The following CACNA1C variants were observed in gnomAD, a reference collection of about 807,000 sequenced individuals.
CACNA1C encodes the protein calcium voltage-gated channel subunit alpha1 C, also known as voltage-dependent L-type calcium channel subunit alpha-1C.
In CACNA1C, 30 loss-of-function variants were observed where a neutral mutation model predicts 229.0. The ratio of observed to expected loss-of-function variants is 0.13; its 90% confidence interval spans 0.10 to 0.18. CACNA1C has a LOEUF of 0.18. Ranked by LOEUF, CACNA1C falls within the 10% of genes least tolerant of loss-of-function variation. CACNA1C has a pLI of 1.00. For missense variants in CACNA1C, 1,658 were observed against 2,845.0 expected, an observed-to-expected ratio of 0.58 and a Z score of 9.49; for synonymous variants, 1,114 against 1,132.5, an observed-to-expected ratio of 0.98 and a Z score of 0.33.
In CACNA1C at chr12:2,597,580, T is replaced by C; in HGVS notation, c.2853+291T>C. ...TGGCTGGATCTTTTGTCTTTTCTGT[T>C]TCTTTCACTCTCTCTTTTCTTTACT... On this transcript the variant is annotated intron_variant, in intron 21 of 46. Coordinates refer to ENST00000399655, the MANE Select transcript of CACNA1C (RefSeq NM_000719.7). The surrounding 1 kb of genome is among the most constrained non-coding windows in gnomAD (Gnocchi z 4.3). 1.1e-6 allele frequency: 1 copy of C among 932,796 alleles called. No individual in the cohort carries two copies. Among genetic ancestry groups the C allele is most frequent in the Admixed American group, 1.9e-5 (1 of 53,860 alleles). The allele number at this position is 932,796 out of a possible 1,614,324, so 57.8% of individuals were successfully genotyped here.
rs150067047 is a variant in CACNA1C, at chr12:2,488,866, G to A, written c.916+2604G>A. Reference sequence around the variant, plus strand: ...CTGTCCCTTCGTTCCCAAACCTGCCGTCTGATCACAAGCCAGGACCCACTC... The same window carrying A: ...CTGTCCCTTCGTTCCCAAACCTGCCATCTGATCACAAGCCAGGACCCACTC... On this transcript the variant is annotated intron_variant, in intron 6 of 46. Coordinates refer to ENST00000399655, the MANE Select transcript of CACNA1C (RefSeq NM_000719.7). The surrounding 1 kb of genome is among the most constrained non-coding windows in gnomAD (Gnocchi z 4.0). 9.9e-5 allele frequency among the ~76,000 whole-genome samples: 15 copies of A among 152,266 alleles called. No individual in the cohort carries two copies. Among genetic ancestry groups the A allele is most frequent in the Admixed American group, 4.6e-4 (7 of 15,300 alleles).
rs191348735 is a variant in CACNA1C, at chr12:2,365,417, A to G, written c.478-83559A>G. ...TTTATTAAGGCACTGAGGGGCATCT[A>G]TCATGATTTCTTTTGAAAAATATGG... is the stretch of plus-strand genomic sequence containing the variant. On this transcript the variant is annotated intron_variant, in intron 3 of 46. Transcript: ENST00000399655. Among the ~76,000 whole-genome samples, 476 of 152,352 alleles carry G rather than the reference A, an allele frequency of 3.1e-3. 7 individuals are homozygous for G. Among genetic ancestry groups the G allele is most frequent in the Non-Finnish European group, 4.7e-3 (317 of 68,036 alleles).
chr12:2,677,917 G>A lies in CACNA1C; in HGVS notation c.5091+50G>A, dbSNP rs1305582562. ...CGACCCCTATAAAGTTCAGTTTGGA[G>A]CAAGAGGTTGGGCTGGGGTTTTGCG... On this transcript the variant is annotated intron_variant, in intron 41 of 46. Coordinates refer to ENST00000399655, the MANE Select transcript of CACNA1C (RefSeq NM_000719.7). This position sits in a 1 kb window ranked among gnomAD's most constrained non-coding sequence, Gnocchi z 7.4. 1 of 1,603,340 alleles carries A rather than the reference G, an allele frequency of 6.2e-7. No individual in the cohort carries two copies. The highest frequency in any genetic ancestry group is 1.3e-5 in the African/African-American group (1 of 74,746).
At chr12:2,065,994 G>C (rs2059134849) in intron 1 of CACNA1C, among the ~76,000 whole-genome samples, 1 of 152,090 alleles carries the variant, frequency 6.6e-6, no homozygotes, top group South Asian at 2.1e-4. Context: ...GCAATGGAGG[G>C]CCGTTTAAAG....
intron 3 of CACNA1C, among the ~76,000 whole-genome samples, chr12:2,425,265 G>A (rs1342516114): frequency 2.6e-5 from 4 of 152,208 alleles, no homozygotes; most frequent in African/African-American, 9.6e-5. Context: ...AAAAGCTGTT[G>A]TTAAGCAAAA....
At position 2,632,150 on chromosome 12, in the gene CACNA1C, A is replaced by G. The variant is rs1205895717; in HGVS notation, c.3829-2147A>G. ...GGCAAATACTGGTCCCACTGAAAAA[A>G]TGTGGCCAGCCCTGTCTTGTCCCCT... On this transcript the variant is annotated intron_variant, in intron 29 of 46. Transcript: ENST00000399655. This position sits in a 1 kb window ranked among gnomAD's most constrained non-coding sequence, Gnocchi z 4.1. 3.3e-5 allele frequency among the ~76,000 whole-genome samples: 5 copies of G among 152,242 alleles called. No individual in the cohort carries two copies. The highest frequency in any genetic ancestry group is 9.6e-5 in the African/African-American group (4 of 41,554).
intron 9 of CACNA1C, among the ~76,000 whole-genome samples, chr12:2,533,999 C>T (rs1323972683): frequency 6.6e-6 from 1 of 152,124 alleles, no homozygotes; most frequent in East Asian, 1.9e-4. Context: ...TAGTAAATGC[C>T]TCAGGGAAAA....
At chr12:2,448,036 G>A (rs898687710) in intron 3 of CACNA1C, among the ~76,000 whole-genome samples, 3 of 152,252 alleles carry the variant, frequency 2.0e-5, no homozygotes, top group Non-Finnish European at 4.4e-5. Context: ...CCTTTGCCTG[G>A]TGGGGGCCAT....
Position 2,685,741 on chromosome 12 carries a change from C to A in CACNA1C, c.5579C>A (p.Ser1860Tyr). 6.2e-7 allele frequency: 1 copy of A among 1,613,128 alleles called. No individual in the cohort carries two copies. The highest frequency in any genetic ancestry group is 1.1e-5 in the South Asian group (1 of 91,056). Reference protein sequence around the residue: ...EPSLLSTEMLSYQDDENRQLT... With the variant: ...EPSLLSTEMLYYQDDENRQLT... Reference sequence around the variant, plus strand: ...CCATGAGCTCTCTGTTCCAGGCTCTCCTACCAGGATGACGAAAATCGGCAA... The same window carrying A: ...CCATGAGCTCTCTGTTCCAGGCTCTACTACCAGGATGACGAAAATCGGCAA... The change falls in exon 44 of 47, where the codon TCC becomes TAC. Residue 1860 changes from serine (S) to tyrosine (Y), a missense_variant. Around this residue, in one of 20 missense-constraint regions of CACNA1C, gnomAD observed 590 missense variants for 700.8 expected, o/e 0.84. Coordinates refer to ENST00000399655, the MANE Select transcript of CACNA1C (RefSeq NM_000719.7).
intron 13 of CACNA1C, among the ~76,000 whole-genome samples, chr12:2,572,037 CTTTTT>C (rs5796014): frequency 5.4e-5 from 7 of 128,458 alleles, no homozygotes; most frequent in Non-Finnish European, 6.5e-5. Flanking sequence ...AATTTCTTCT[CTTTTT>C]TTTTTTTTTT....
At position 2,420,070 on chromosome 12, in the gene CACNA1C, A is replaced by C. The variant is rs558200890; in HGVS notation, c.478-28906A>C. Among the ~76,000 whole-genome samples, 32 of 150,540 alleles carry C rather than the reference A, an allele frequency of 2.1e-4. 1 individual carries two copies. Among genetic ancestry groups the C allele is most frequent in the African/African-American group, 7.9e-4 (32 of 40,398 alleles). ...ACCCCTCTGGATGTCAGGACAACGCAGCCAGACAGGGTAATCAGACTTAGG... is the reference window on the plus strand; with the variant it reads ...ACCCCTCTGGATGTCAGGACAACGCCGCCAGACAGGGTAATCAGACTTAGG... On this transcript the variant is annotated intron_variant, in intron 3 of 46. Transcript: ENST00000399655.
rs943249874 is a variant in CACNA1C at position 2,410,487 on chromosome 12, G to C, written c.478-38489G>C. ...GACCATGATTTCCATGGATTACTTT[G>C]TGCAAAGGATGCCAAAACCAAATAT... On this transcript the variant is annotated intron_variant, in intron 3 of 46. Coordinates refer to ENST00000399655, the MANE Select transcript of CACNA1C (RefSeq NM_000719.7). This position sits in a 1 kb window ranked among gnomAD's most constrained non-coding sequence, Gnocchi z 5.3. Among the ~76,000 whole-genome samples the C allele has an allele frequency of 6.6e-6, 1 of 152,220 alleles. No individual in the cohort carries two copies. The highest frequency in any genetic ancestry group is 6.5e-5 in the Admixed American group (1 of 15,288).
At chr12:2,211,919 C>T (rs1231718448) in intron 3 of CACNA1C, among the ~76,000 whole-genome samples, 1 of 151,910 alleles carries the variant, frequency 6.6e-6, no homozygotes, top group Non-Finnish European at 1.5e-5. Flanking sequence ...TGGGGTTTCA[C>T]CATGTTGGCC....
intron 3 of CACNA1C, among the ~76,000 whole-genome samples, chr12:2,239,344 G>T (rs1233522467): frequency 6.6e-6 from 1 of 151,964 alleles, no homozygotes; most frequent in African/African-American, 2.4e-5. Flanking sequence ...CTCCCAGGCG[G>T]TGAGGCTTTC....
intron 29 of CACNA1C, among the ~76,000 whole-genome samples, chr12:2,616,753 C>A (rs992891272): frequency 6.6e-6 from 1 of 152,266 alleles, no homozygotes; most frequent in Admixed American, 6.5e-5. Context: ...TAGCTGACCC[C>A]CTCTGGGGTG....
intron 31 of CACNA1C, among the ~76,000 whole-genome samples, chr12:2,650,672 C>T (rs1332198428): frequency 1.3e-5 from 2 of 152,158 alleles, no homozygotes; most frequent in East Asian, 3.9e-4. Flanking sequence ...CCCGTCCTGC[C>T]CCCTGAGCCC....
intron 13 of CACNA1C, among the ~76,000 whole-genome samples, chr12:2,578,320 T>C (rs1229988096): frequency 1.3e-5 from 2 of 152,080 alleles, no homozygotes; most frequent in Non-Finnish European, 2.9e-5. Flanking sequence ...GGAGCATGTG[T>C]AGGAGTTGGA....
chr12:2,407,305 C>T (rs534047914), intron 3 of CACNA1C, among the ~76,000 whole-genome samples: 18 of 151,414 alleles, frequency 1.2e-4, no homozygotes, highest in Admixed American at 4.0e-4. Flanking sequence ...TCATCATGAC[C>T]CAGTGGGAAG....
intron 3 of CACNA1C, among the ~76,000 whole-genome samples, chr12:2,229,675 G>C (rs945492749): frequency 6.6e-6 from 1 of 152,168 alleles, no homozygotes. Flanking sequence ...CTATGGGAAT[G>C]AGGGGGTCAG....
Sources: gnomAD v4.1 joint callset for allele counts (sites outside exome capture counted in the v4.1 genomes callset) on GRCh38, gnomAD v4.1.1 for gene constraint, gnomAD v4.1.1 regional missense constraint, Gnocchi (gnomAD v3.1) non-coding constraint, MANE v1.5 for transcripts, NCBI Gene and HGNC (gene_info 2026-07-23, HGNC 2026-07-21) for gene names.